The following GCLC variants were observed in gnomAD, a reference collection of about 807,000 sequenced individuals.
GCLC encodes glutamate--cysteine ligase catalytic subunit.
A neutral mutation model predicts 81.5 loss-of-function variants in GCLC; 30 were observed. The observed-to-expected ratio is 0.37, with a 90% CI of 0.28 to 0.50. The LOEUF is 0.50. GCLC is among the 20% of genes least tolerant of loss of function. The pLI is 0.96. For missense variants in GCLC, 556 were observed against 777.4 expected (o/e 0.72, Z 3.39); for synonymous variants, 262 against 273.3 (o/e 0.96, Z 0.41).
At chr6:53,519,550 A>C (rs1486670496) in intron 3 of GCLC, among the ~76,000 whole-genome samples, 1 of 152,004 alleles carries the variant, frequency 6.6e-6, no homozygotes, top group South Asian at 2.1e-4. Flanking sequence ...TCAACCCCCC[A>C]GCTCCACAGA....
Position 53,515,989 on chromosome 6 carries a change from T to C in GCLC, c.560+120A>G, listed in dbSNP as rs973746162. On this transcript the variant is annotated intron_variant, in intron 4 of 15. Coordinates refer to ENST00000650454, the MANE Select transcript of GCLC (RefSeq NM_001498.4). ...ACATCTGCTATCTTCTCTGGTTACT[T>C]AGGAAGAGAGCCAAAACTCAGTTAA... 5.8e-6 allele frequency: 4 copies of C among 694,844 alleles called. No individual in the cohort carries two copies. The Admixed American group carries it at 6.1e-5, about 11-fold the overall frequency. The allele number at this position is 694,844 out of a possible 1,614,324, so 43.0% of individuals were successfully genotyped here.
In GCLC at chr6:53,498,846, A is replaced by C; in HGVS notation, c.1824T>G (p.Ile608Met). 1 of 1,613,262 alleles carries C rather than the reference A, an allele frequency of 6.2e-7. No homozygotes were observed. Among genetic ancestry groups the C allele is most frequent in the Non-Finnish European group, 8.5e-7 (1 of 1,179,178 alleles). ...NYSLILKCNQ[I>M]ANELCECPEL... is the part of the protein sequence containing the mutation. ...CTGGGCATTCACATAATTCATTTGC[A>C]ATTTGGTTACACTTCAAAATAAGGC... Residue 608 changes from isoleucine (I) to methionine (M), a missense_variant, in exon 16 of 16, where the codon ATT (isoleucine) becomes ATG (methionine). Physicochemically the swap from Ile to Met is conservative, Grantham distance 10. Around this residue, in one of 3 missense-constraint regions of GCLC, gnomAD observed 313 missense variants for 437.3 expected, o/e 0.72. Coordinates refer to ENST00000650454, the MANE Select transcript of GCLC (RefSeq NM_001498.4).
intron 1 of GCLC, among the ~76,000 whole-genome samples, chr6:53,541,174 G>A (rs1763347551): frequency 6.6e-6 from 1 of 152,206 alleles, no homozygotes; most frequent in South Asian, 2.1e-4. Flanking sequence ...CCGAGATCAC[G>A]TCATGCACTC....
chr6:53,508,418 A>C (rs1764662421), intron 8 of GCLC, among the ~76,000 whole-genome samples, 177 bp downstream of exon 8: 2 of 152,218 alleles, frequency 1.3e-5, no homozygotes, highest in African/African-American at 2.4e-5. Flanking sequence ...TTTTAAATGA[A>C]GCTAAAACAA....
At chr6:53,536,483 T>A (rs932546116) in intron 1 of GCLC, among the ~76,000 whole-genome samples, 7 of 152,222 alleles carry the variant, frequency 4.6e-5, no homozygotes, top group African/African-American at 1.7e-4. Flanking sequence ...AATGTTTTTT[T>A]AAAAACACCT....
At chr6:53,516,070 G>A (rs760706946) in intron 4 of GCLC, 39 bp downstream of exon 4, 1 of 1,157,140 alleles carries the variant, frequency 8.6e-7, no homozygotes, top group Admixed American at 1.7e-5. Context: ...CAGGGGTCTA[G>A]TGAAGGGCAT....
intron 1 of GCLC, among the ~76,000 whole-genome samples, chr6:53,539,253 T>C (rs1763311275): frequency 6.6e-6 from 1 of 152,202 alleles, no homozygotes; most frequent in South Asian, 2.1e-4. Flanking sequence ...CTCCTCATCC[T>C]GGGGCAAAAT....
chr6:53,508,635 G>T lies in GCLC; in HGVS notation c.905C>A (p.Ala302Glu). 1 of 1,612,904 alleles carries T rather than the reference G, an allele frequency of 6.2e-7. No individual in the cohort carries two copies. Among genetic ancestry groups the T allele is most frequent in the Non-Finnish European group, 8.5e-7 (1 of 1,178,950 alleles). The change falls in exon 8 of 16, where the codon GCA (alanine) becomes GAA (glutamate). Residue 302 changes from alanine to glutamate, a missense_variant. This residue lies in a region of GCLC where 313 missense variants were observed against 437.3 expected (regional missense o/e 0.72). Transcript: ENST00000650454. ...DIDCRWGVIS[A>E]SVDDRTREER... ...CTCCCGAGTTCTATCATCTACAGAT[G>T]CAGAAATCACTCCCCAGCGACAATC... is the stretch of plus-strand genomic sequence containing the variant.
chr6:53,531,607 A>C (rs1181403150), intron 1 of GCLC, among the ~76,000 whole-genome samples: 4 of 152,298 alleles, frequency 2.6e-5, no homozygotes, highest in Non-Finnish European at 4.4e-5. Context: ...TCTCTACAAC[A>C]ATCACTTCAA....
At chr6:53,535,070 A>G (rs1395034203) in intron 1 of GCLC, among the ~76,000 whole-genome samples, 1 of 152,270 alleles carries the variant, frequency 6.6e-6, no homozygotes, top group Non-Finnish European at 1.5e-5. Context: ...GGCTTATTAT[A>G]AAGATTCAGC....
chr6:53,534,768 G>A (rs1763232004), intron 1 of GCLC, among the ~76,000 whole-genome samples: 1 of 152,128 alleles, frequency 6.6e-6, no homozygotes, highest in African/African-American at 2.4e-5. Context: ...AAAAAGATGT[G>A]AAAGACCTAT....
At chr6:53,529,441 C>T (rs1008349603) in intron 1 of GCLC, among the ~76,000 whole-genome samples, 12 of 152,152 alleles carry the variant, frequency 7.9e-5, no homozygotes, top group African/African-American at 2.9e-4. Context: ...TCTAGCAAAA[C>T]CTAACCAGTC....
intron 1 of GCLC, among the ~76,000 whole-genome samples, chr6:53,543,339 G>A (rs1330716193): frequency 6.6e-6 from 1 of 152,078 alleles, no homozygotes; most frequent in Non-Finnish European, 1.5e-5. Flanking sequence ...GTTCAAAGAA[G>A]TGTGACAAAC....
rs200241767 is a variant in GCLC, at chr6:53,516,195, G to A, written c.474C>T (p.Pro158=). 168 of 1,612,406 alleles carry A rather than the reference G, an allele frequency of 1.0e-4. No homozygotes were observed. Among genetic ancestry groups the A allele is most frequent in the African/African-American group, 1.6e-4 (12 of 74,968 alleles). The change falls in exon 4 of 16, where the codon CCC becomes CCT. Residue 158 remains proline, a synonymous_variant. Coordinates refer to ENST00000650454, the MANE Select transcript of GCLC (RefSeq NM_001498.4). Reference sequence around the variant, plus strand: ...CTTCCACTGGGTTGGGTTTGACCTCGGGCAGTGTGAACCCAGGACAGCCTA... The same window carrying A: ...CTTCCACTGGGTTGGGTTTGACCTCAGGCAGTGTGAACCCAGGACAGCCTA... ...PRLGCPGFTL[P]EVKPNPVEGG...
intron 1 of GCLC, among the ~76,000 whole-genome samples, chr6:53,530,993 G>GTCAA (rs1581746247): frequency 2.6e-5 from 4 of 152,148 alleles, no homozygotes; most frequent in Admixed American, 2.6e-4. Context: ...AGGCTTTGGA[G>GTCAA]TCAATCAGTT....
chr6:53,539,344 C>G (rs981090852), intron 1 of GCLC, among the ~76,000 whole-genome samples: 18 of 152,128 alleles, frequency 1.2e-4, no homozygotes, highest in Non-Finnish European at 7.4e-5. Context: ...GAGTTAGGAC[C>G]TGTCATATTA....
chr6:53,500,409 A>G (rs1310174343), intron 13 of GCLC, 23 bp downstream of exon 13: 2 of 1,602,600 alleles, frequency 1.2e-6, no homozygotes, highest in Non-Finnish European at 1.7e-6. Flanking sequence ...AGCTGACATT[A>G]GAAATCTAAG....
At chr6:53,503,207 A>G (rs890534847) in intron 12 of GCLC, 8 of 152,278 alleles carry the variant, frequency 5.3e-5, no homozygotes, top group African/African-American at 1.7e-4. Context: ...AGAGCTAGTT[A>G]GCTCCTTCCA....
chr6:53,519,076 A>G (rs765780470), intron 3 of GCLC, among the ~76,000 whole-genome samples: 5 of 152,184 alleles, frequency 3.3e-5, no homozygotes, highest in African/African-American at 7.2e-5. Context: ...CTCCACAGCT[A>G]CTCTCACACT....
Sources: gnomAD v4.1 joint callset for allele counts (sites outside exome capture counted in the v4.1 genomes callset) on GRCh38, gnomAD v4.1.1 for gene constraint, gnomAD v4.1.1 regional missense constraint, MANE v1.5 for transcripts, NCBI Gene and HGNC (gene_info 2026-07-23, HGNC 2026-07-21) for gene names.